Variants in FTO observed in about 807,000 individuals in gnomAD.
FTO encodes FTO alpha-ketoglutarate dependent dioxygenase.
FTO carries 47 observed loss-of-function variants against 63.9 expected under a neutral mutation model. That is an observed-to-expected ratio of 0.74 (90% CI 0.58 to 0.94). FTO has a LOEUF of 0.94. FTO is among the 40% of genes least tolerant of loss of function. The pLI is 0.00. For missense variants in FTO, 562 were observed against 618.1 expected (o/e 0.91, Z 0.96); for synonymous variants, 207 against 224.4 (o/e 0.92, Z 0.69).
Position 54,073,663 on chromosome 16 carries a change from T to C in FTO, c.1365-38099T>C, listed in dbSNP as rs117705942. On this transcript the variant is annotated intron_variant, in intron 8 of 8. Coordinates refer to ENST00000471389, the MANE Select transcript of FTO (RefSeq NM_001080432.3). ...AGGTAGAGACTGTCTCAATGTGTTG[T>C]TCTCAAACTCCTAGCCTCAAGCTCT... Among the ~76,000 whole-genome samples, 53 of 151,882 alleles carry C rather than the reference T, an allele frequency of 3.5e-4. 1 individual carries two copies. In the East Asian group the frequency reaches 0.01, roughly 29 times the overall value.
At chr16:53,880,989 G>A (rs916145961) in intron 6 of FTO, among the ~76,000 whole-genome samples, 4 of 150,546 alleles carry the variant, frequency 2.7e-5, no homozygotes, top group African/African-American at 7.3e-5. Flanking sequence ...GGGCATGGTG[G>A]CGGGTGCCTG....
chr16:53,885,355 C>T (rs1015057326), intron 6 of FTO, among the ~76,000 whole-genome samples: 3 of 152,108 alleles, frequency 2.0e-5, no homozygotes, highest in Non-Finnish European at 4.4e-5. Flanking sequence ...TTTTTACCCA[C>T]AACATTGAAA....
At chr16:54,038,223 G>C (rs1294834320) in intron 8 of FTO, among the ~76,000 whole-genome samples, 1 of 152,184 alleles carries the variant, frequency 6.6e-6, no homozygotes, top group Non-Finnish European at 1.5e-5. Context: ...TTTCAAGCAT[G>C]AGTAGAGTCA....
At chr16:53,737,352 C>CATCATA (rs1284930369) in intron 1 of FTO, among the ~76,000 whole-genome samples, 5 of 152,108 alleles carry the variant, frequency 3.3e-5, no homozygotes, top group African/African-American at 1.2e-4. Context: ...ATCATGTGAA[C>CATCATA]GTCATAGAGT....
chr16:53,810,105 A>T, intron 1 of FTO, 35 bp from the exon 2 acceptor site: 1 of 1,410,922 alleles, frequency 7.1e-7, no homozygotes, highest in Non-Finnish European at 1.0e-6. Flanking sequence ...GGGTTATTGC[A>T]TATTCACTTA....
chr16:53,775,406 C>G (rs1298126409), intron 1 of FTO, among the ~76,000 whole-genome samples: 1 of 152,154 alleles, frequency 6.6e-6, no homozygotes, highest in Non-Finnish European at 1.5e-5. Context: ...TCTCCTTGTT[C>G]AGGTCCAGCT....
chr16:53,851,582 A>G (rs1415862973), intron 4 of FTO, among the ~76,000 whole-genome samples: 2 of 152,200 alleles, frequency 1.3e-5, no homozygotes, highest in Non-Finnish European at 2.9e-5. Context: ...TTGCTTTCCC[A>G]TCTGGTCCTT....
At chr16:53,863,591 C>T (rs2080232652) in intron 4 of FTO, among the ~76,000 whole-genome samples, 1 of 152,186 alleles carries the variant, frequency 6.6e-6, no homozygotes, top group South Asian at 2.1e-4. Flanking sequence ...GCCTGGTACT[C>T]AGAGTCATGG....
At chr16:54,037,241 T>C (rs779097073) in intron 8 of FTO, among the ~76,000 whole-genome samples, 13 of 152,212 alleles carry the variant, frequency 8.5e-5, no homozygotes, top group Non-Finnish European at 1.5e-4. Flanking sequence ...TGGAACCTGC[T>C]ACTTAAATCA....
At chr16:54,039,013 G>T (rs1476813086) in intron 8 of FTO, among the ~76,000 whole-genome samples, 4 of 152,240 alleles carry the variant, frequency 2.6e-5, no homozygotes, top group Admixed American at 1.3e-4. Context: ...AGCAGGGCTT[G>T]TAGGGGCAGG....
chr16:53,743,012 T>G (rs534452525), intron 1 of FTO, among the ~76,000 whole-genome samples: 2 of 152,270 alleles, frequency 1.3e-5, no homozygotes, highest in Non-Finnish European at 2.9e-5. Context: ...CTCCATGATG[T>G]GGAAAAGGTT....
chr16:53,849,882 T>C (rs1169752235), intron 4 of FTO, among the ~76,000 whole-genome samples: 1 of 152,222 alleles, frequency 6.6e-6, no homozygotes, highest in Non-Finnish European at 1.5e-5. Context: ...ATCCTCCAGG[T>C]GTCCCTCAGT....
At chr16:53,757,533 TA>T (rs2076952071) in intron 1 of FTO, among the ~76,000 whole-genome samples, 1 of 151,342 alleles carries the variant, frequency 6.6e-6, no homozygotes, top group South Asian at 2.1e-4. Context: ...TATTTATATA[TA>T]ATATGTGTGT....
chr16:53,868,202 C>T (rs1420870542), intron 4 of FTO, among the ~76,000 whole-genome samples: 3 of 152,024 alleles, frequency 2.0e-5, no homozygotes, highest in Non-Finnish European at 4.4e-5. Context: ...TATTGATACA[C>T]TTGGATTAAT....
At chr16:54,019,175 G>T (rs940337837) in intron 8 of FTO, among the ~76,000 whole-genome samples, 1 of 152,142 alleles carries the variant, frequency 6.6e-6, no homozygotes, top group Non-Finnish European at 1.5e-5. Context: ...CTTCTTAAGA[G>T]TGAGGAGATC....
intron 1 of FTO, among the ~76,000 whole-genome samples, chr16:53,744,258 A>G (rs966782225): frequency 1.3e-5 from 2 of 152,150 alleles, no homozygotes; most frequent in African/African-American, 4.8e-5. Flanking sequence ...GAGACACACT[A>G]AAAAGATGGG....
intron 1 of FTO, among the ~76,000 whole-genome samples, chr16:53,783,571 G>A (rs2077644354): frequency 2.3e-5 from 3 of 128,638 alleles, no homozygotes; most frequent in Non-Finnish European, 4.6e-5. Flanking sequence ...TTGCGCCACG[G>A]CACTCCAGCC....
intron 8 of FTO, among the ~76,000 whole-genome samples, chr16:54,079,955 A>G (rs2086100270): frequency 6.6e-6 from 1 of 152,222 alleles, no homozygotes; most frequent in Non-Finnish European, 1.5e-5. Context: ...AAATACCTGT[A>G]GATTTAATGT....
At chr16:54,087,765 C>A (rs768638566) in intron 8 of FTO, among the ~76,000 whole-genome samples, 1 of 152,164 alleles carries the variant, frequency 6.6e-6, no homozygotes, top group Non-Finnish European at 1.5e-5. Flanking sequence ...CCACTGCACT[C>A]CAGCCTGGGA....
Sources: gnomAD v4.1 joint callset for allele counts (sites outside exome capture counted in the v4.1 genomes callset) on GRCh38, gnomAD v4.1.1 for gene constraint, MANE v1.5 for transcripts, NCBI Gene and HGNC (gene_info 2026-07-23, HGNC 2026-07-21) for gene names.